The following PCDH9 variants were observed in gnomAD, a reference collection of about 807,000 sequenced individuals.
PCDH9 encodes the protein protocadherin-9.
PCDH9 carries 24 observed loss-of-function variants against 70.6 expected under a neutral mutation model. The ratio of observed to expected loss-of-function variants is 0.34; its 90% confidence interval spans 0.25 to 0.48. PCDH9 has a LOEUF of 0.48. Among genes scored for constraint, PCDH9 ranks in the 20% least tolerant of loss-of-function variants. The probability of loss-of-function intolerance (pLI) is 0.99; values close to 1 mark genes in which losing one functional copy is unlikely to be tolerated. For synonymous variants in PCDH9, 562 were observed against 558.5 expected (o/e 1.01, Z -0.09); for missense variants, 1,281 against 1,503.6 (o/e 0.85, Z 2.45).
chr13:66,815,465 C>T (rs940424078), intron 3 of PCDH9, among the ~76,000 whole-genome samples: 2 of 152,128 alleles, frequency 1.3e-5, no homozygotes, highest in Non-Finnish European at 1.5e-5. Flanking sequence ...TAAAGACACA[C>T]GCACAGGTAG....
intron 3 of PCDH9, among the ~76,000 whole-genome samples, chr13:66,638,621 G>A (rs566372479): frequency 2.0e-5 from 3 of 152,058 alleles, no homozygotes; most frequent in South Asian, 2.1e-4. Flanking sequence ...CTCAAATAAC[G>A]ATTGATGAAA....
intron 3 of PCDH9, among the ~76,000 whole-genome samples, chr13:66,767,745 A>G (rs1434090310): frequency 6.6e-6 from 1 of 152,112 alleles, no homozygotes; most frequent in Non-Finnish European, 1.5e-5. Flanking sequence ...TAATAAAAGA[A>G]CATCTGTAGC....
chr13:67,221,233 C>G (rs775738786), intron 2 of PCDH9: 8 of 152,074 alleles, frequency 5.3e-5, no homozygotes, highest in African/African-American at 7.2e-5. Context: ...CCTTCACTTT[C>G]AATTGCATTT....
chr13:66,591,803 G>A (rs894357479), intron 4 of PCDH9, among the ~76,000 whole-genome samples: 1 of 151,462 alleles, frequency 6.6e-6, no homozygotes, highest in Non-Finnish European at 1.5e-5. Flanking sequence ...GTTGCAGGTT[G>A]GGAGGGGGGG....
chr13:66,815,430 C>T (rs1334979623), intron 3 of PCDH9, among the ~76,000 whole-genome samples: 1 of 152,118 alleles, frequency 6.6e-6, no homozygotes, highest in Non-Finnish European at 1.5e-5. Context: ...GGTATACACC[C>T]AAAGGAATAT....
chr13:67,204,984 A>C (rs1237718283), intron 2 of PCDH9: 1 of 152,212 alleles, frequency 6.6e-6, no homozygotes, highest in African/African-American at 2.4e-5. Context: ...TGGTCTAATT[A>C]AATATGAGTT....
chr13:66,356,290 T>C (rs1214755776), intron 4 of PCDH9, among the ~76,000 whole-genome samples: 1 of 152,132 alleles, frequency 6.6e-6, no homozygotes, highest in Non-Finnish European at 1.5e-5. Flanking sequence ...AGCACCTTCA[T>C]GGAAGTCTTG....
intron 3 of PCDH9, among the ~76,000 whole-genome samples, chr13:66,849,761 A>G (rs1472480127): frequency 6.6e-6 from 1 of 152,132 alleles, no homozygotes; most frequent in Non-Finnish European, 1.5e-5. Flanking sequence ...GATTGGAAGA[A>G]GTCTCTGGTA....
At chr13:66,832,872 T>C (rs192615106) in intron 3 of PCDH9, among the ~76,000 whole-genome samples, 3 of 152,234 alleles carry the variant, frequency 2.0e-5, no homozygotes, top group Admixed American at 2.0e-4. Context: ...TAATCATAAA[T>C]AGCACTGAAC....
chr13:67,009,373 G>A (rs1316153463), intron 2 of PCDH9, among the ~76,000 whole-genome samples: 2 of 152,056 alleles, frequency 1.3e-5, no homozygotes, highest in East Asian at 1.9e-4. Context: ...CTAGATAGAG[G>A]TGGGTTTATT....
intron 4 of PCDH9, among the ~76,000 whole-genome samples, chr13:66,612,462 C>T (rs2138874668): frequency 6.6e-6 from 1 of 152,214 alleles, no homozygotes; most frequent in East Asian, 1.9e-4. Flanking sequence ...GTTTCCTGGA[C>T]TTGCAAATAA....
chr13:67,194,409 C>T (rs1239867895), intron 2 of PCDH9, among the ~76,000 whole-genome samples: 4 of 150,118 alleles, frequency 2.7e-5, no homozygotes, highest in African/African-American at 4.9e-5. Flanking sequence ...TATAATGACT[C>T]TTCAAAAAAA....
intron 3 of PCDH9, among the ~76,000 whole-genome samples, chr13:66,714,536 G>A (rs774639357): frequency 5.9e-5 from 9 of 151,588 alleles, no homozygotes; most frequent in Non-Finnish European, 1.3e-4. Context: ...CAACAAATAA[G>A]TAACGGTTAT....
At chr13:66,499,551 AG>A (rs1287075001) in intron 4 of PCDH9, among the ~76,000 whole-genome samples, 1 of 152,218 alleles carries the variant, frequency 6.6e-6, no homozygotes, top group Admixed American at 6.5e-5. Flanking sequence ...AAAAATCTCC[AG>A]CAGACCATTC....
At chr13:66,495,440 A>G (rs1323620352) in intron 4 of PCDH9, among the ~76,000 whole-genome samples, 1 of 152,226 alleles carries the variant, frequency 6.6e-6, no homozygotes, top group Admixed American at 6.5e-5. Context: ...TATTTTATTC[A>G]ACGGTATCTC....
At chr13:66,702,189 G>A (rs1593918858) in intron 3 of PCDH9, among the ~76,000 whole-genome samples, 2 of 152,058 alleles carry the variant, frequency 1.3e-5, no homozygotes, top group East Asian at 1.9e-4. Context: ...AAATAGGTTC[G>A]TATTTTATTT....
intron 3 of PCDH9, among the ~76,000 whole-genome samples, chr13:66,710,771 T>TTTTTTTAAA (rs1456869174): frequency 8.6e-5 from 13 of 151,956 alleles, no homozygotes; most frequent in Non-Finnish European, 1.8e-4. Context: ...GCCTTTTTCA[T>TTTTTTTAAA]TTTTTTAAAG....
chr13:66,386,483 T>A (rs527407026), intron 4 of PCDH9, among the ~76,000 whole-genome samples: 17 of 152,176 alleles, frequency 1.1e-4, no homozygotes, highest in Non-Finnish European at 2.4e-4. Flanking sequence ...TCAAAGAATA[T>A]AAGAAGTACT....
intron 4 of PCDH9, among the ~76,000 whole-genome samples, chr13:66,401,644 C>A (rs1593918314): frequency 6.6e-6 from 1 of 152,080 alleles, no homozygotes; most frequent in African/African-American, 2.4e-5. Context: ...TCCCTTCAGA[C>A]TTTTTATACC....
Sources: gnomAD v4.1 joint callset for allele counts (sites outside exome capture counted in the v4.1 genomes callset) on GRCh38, gnomAD v4.1.1 for gene constraint, MANE v1.5 for transcripts, NCBI Gene and HGNC (gene_info 2026-07-23, HGNC 2026-07-21) for gene names.